The following MGMT variants were observed in gnomAD, a reference collection of about 807,000 sequenced individuals.
MGMT encodes the protein O-6-methylguanine-DNA methyltransferase.
In MGMT, 14 loss-of-function variants were observed where a neutral mutation model predicts 15.9. The ratio of observed to expected loss-of-function variants is 0.88; its 90% CI spans 0.58 to 1.37. The LOEUF is 1.37. Ranked by LOEUF, MGMT falls within the 40% of genes most tolerant of loss-of-function variation. MGMT has a pLI of 0.00. For missense variants in MGMT, 282 were observed against 268.1 expected (o/e 1.05, Z -0.36); for synonymous variants, 130 against 118.2 (o/e 1.10, Z -0.65).
At chr10:129,472,875 A>G (rs1845248426) in intron 1 of MGMT, among the ~76,000 whole-genome samples, 1 of 152,114 alleles carries the variant, frequency 6.6e-6, no homozygotes, top group African/African-American at 2.4e-5. Flanking sequence ...TTCCCTATTC[A>G]TTTACTAGGT....
chr10:129,653,418 A>T (rs1408361041), intron 2 of MGMT, among the ~76,000 whole-genome samples: 1 of 152,234 alleles, frequency 6.6e-6, no homozygotes, highest in African/African-American at 2.4e-5. Flanking sequence ...CCCATCCTGA[A>T]ACCATTTGAG....
chr10:129,557,907 G>A (rs1846232000), intron 2 of MGMT, among the ~76,000 whole-genome samples: 1 of 152,184 alleles, frequency 6.6e-6, no homozygotes, highest in Non-Finnish European at 1.5e-5. Flanking sequence ...GATTGCCTTT[G>A]GTGATGAGTT....
intron 2 of MGMT, among the ~76,000 whole-genome samples, chr10:129,590,497 A>G (rs1294409658): frequency 6.6e-6 from 1 of 152,252 alleles, no homozygotes; most frequent in East Asian, 1.9e-4. Flanking sequence ...CTATCAGAGC[A>G]AAATAAAACT....
At chr10:129,745,785 T>C (rs1285407005) in intron 3 of MGMT, among the ~76,000 whole-genome samples, 1 of 152,204 alleles carries the variant, frequency 6.6e-6, no homozygotes, top group Non-Finnish European at 1.5e-5. Flanking sequence ...TCAAGTCTTT[T>C]GCCTTTTTTT....
At chr10:129,718,933 G>T (rs1200725608) in intron 3 of MGMT, among the ~76,000 whole-genome samples, 1 of 150,074 alleles carries the variant, frequency 6.7e-6, no homozygotes, top group African/African-American at 2.5e-5. Context: ...CCGCTCAGGT[G>T]CATCACCTTC....
chr10:129,737,829 T>C (rs1348721897), intron 3 of MGMT, among the ~76,000 whole-genome samples: 3 of 152,224 alleles, frequency 2.0e-5, no homozygotes, highest in African/African-American at 7.2e-5. Flanking sequence ...GGTGTCAGTC[T>C]GGCCCTGCTG....
intron 2 of MGMT, among the ~76,000 whole-genome samples, chr10:129,632,097 C>T (rs1847216731): frequency 6.6e-6 from 1 of 152,228 alleles, no homozygotes. Flanking sequence ...TTGCGTCACA[C>T]TGCATGTGTT....
At chr10:129,559,405 G>A (rs1211255868) in intron 2 of MGMT, among the ~76,000 whole-genome samples, 1 of 152,168 alleles carries the variant, frequency 6.6e-6, no homozygotes, top group Non-Finnish European at 1.5e-5. Context: ...GTATGTCTGA[G>A]TATGGAAATG....
chr10:129,629,748 C>T (rs545267229), intron 2 of MGMT, among the ~76,000 whole-genome samples: 2 of 152,140 alleles, frequency 1.3e-5, no homozygotes, highest in Admixed American at 6.5e-5. Flanking sequence ...GAGGATGTTT[C>T]CCCATCCATC....
rs185558459 is a variant in MGMT at position 129,581,074 on chromosome 10, T to C, written c.125+44697T>C. On this transcript the variant is annotated intron_variant, in intron 2 of 4. Coordinates refer to ENST00000651593, the MANE Select transcript of MGMT (RefSeq NM_002412.5). Reference sequence around the variant, plus strand: ...ACACTCTGTGAGGAAATAATGATGCTACTTTGTAAGATAAGAAAGGGGAAA... The same window carrying C: ...ACACTCTGTGAGGAAATAATGATGCCACTTTGTAAGATAAGAAAGGGGAAA... Among the ~76,000 whole-genome samples the C allele has an allele frequency of 2.0e-3, 301 of 152,306 alleles. 1 individual carries two copies. Among genetic ancestry groups the C allele is most frequent in the African/African-American group, 6.2e-3 (256 of 41,562 alleles).
intron 2 of MGMT, among the ~76,000 whole-genome samples, chr10:129,563,263 C>T (rs577320361): frequency 2.0e-4 from 30 of 152,178 alleles, no homozygotes; most frequent in African/African-American, 5.3e-4. Context: ...CCCAGGCCTG[C>T]GGGATGCAGA....
intron 4 of MGMT, among the ~76,000 whole-genome samples, chr10:129,762,427 G>A (rs1218124764): frequency 6.6e-6 from 1 of 152,128 alleles, no homozygotes; most frequent in Non-Finnish European, 1.5e-5. Flanking sequence ...TTTGCCATGC[G>A]GAGCTTTCCT....
At chr10:129,541,930 G>C (rs1329312909) in intron 2 of MGMT, among the ~76,000 whole-genome samples, 6 of 152,156 alleles carry the variant, frequency 3.9e-5, no homozygotes, top group Non-Finnish European at 8.8e-5. Flanking sequence ...GGTTGGCCCT[G>C]ACCCTCTTCT....
intron 1 of MGMT, among the ~76,000 whole-genome samples, chr10:129,489,819 A>C (rs2119654116): frequency 6.6e-6 from 1 of 152,096 alleles, no homozygotes; most frequent in East Asian, 1.9e-4. Context: ...TCTTTAATTT[A>C]CTTTCTAATT....
intron 2 of MGMT, among the ~76,000 whole-genome samples, chr10:129,675,652 T>C (rs1255911293): frequency 6.6e-6 from 1 of 152,072 alleles, no homozygotes; most frequent in Non-Finnish European, 1.5e-5. Context: ...TCCGTGAGCA[T>C]GCAGGCATGG....
chr10:129,718,771 A>C (rs1049048339), intron 3 of MGMT, among the ~76,000 whole-genome samples: 18 of 149,928 alleles, frequency 1.2e-4, no homozygotes, highest in African/African-American at 3.7e-4. Context: ...CAGGTGTGTC[A>C]CCTTTCTGAG....
chr10:129,668,674 A>G (rs990567016), intron 2 of MGMT, among the ~76,000 whole-genome samples: 9 of 152,182 alleles, frequency 5.9e-5, no homozygotes, highest in African/African-American at 1.9e-4. Flanking sequence ...TCTAATAGAG[A>G]AAGTACTTCA....
chr10:129,532,122 T>C lies in MGMT; in HGVS notation c.-12-4119T>C, dbSNP rs1845939872. Among the ~76,000 whole-genome samples, 1 of 152,214 alleles carries C rather than the reference T, an allele frequency of 6.6e-6. No individual in the cohort carries two copies. The highest frequency in any genetic ancestry group is 2.1e-4 in the South Asian group (1 of 4,830). ...TGTGTTCCCATGGCTTCAGGCCACC[T>C]TTGCTGGTCAGGGGAGCTGGTTCAG... On this transcript the variant is annotated intron_variant, in intron 1 of 4. Coordinates refer to ENST00000651593, the MANE Select transcript of MGMT (RefSeq NM_002412.5). The surrounding 1 kb of genome is among the most constrained non-coding windows in gnomAD (Gnocchi z 5.3).
In MGMT at chr10:129,644,768, C is replaced by T. The variant is rs576708978; in HGVS notation, c.126-63127C>T. On this transcript the variant is annotated intron_variant, in intron 2 of 4. Transcript: ENST00000651593. ...TTGGCCTTGCCCGGTGCTCCTGGAC[C>T]GTGGTTAGTGGATGGAGCCTTTCCT... Among the ~76,000 whole-genome samples, 31 of 152,316 alleles carry T rather than the reference C, an allele frequency of 2.0e-4. No individual in the cohort carries two copies. The South Asian group carries it at 5.6e-3, about 28-fold the overall frequency.
Sources: allele counts gnomAD v4.1 joint callset (sites outside exome capture counted in the v4.1 genomes callset), GRCh38; gene constraint gnomAD v4.1.1; non-coding constraint Gnocchi (gnomAD v3.1); transcripts MANE v1.5; gene names NCBI Gene and HGNC (gene_info 2026-07-23, HGNC 2026-07-21).